SLC39A9: variants seen among roughly 807,000 people sequenced by gnomAD.
SLC39A9 encodes the protein solute carrier family 39 member 9.
Under a neutral mutation model 28.4 loss-of-function variants are expected in SLC39A9, and 14 were observed. The observed-to-expected ratio is 0.49, with a 90% CI of 0.33 to 0.77. The LOEUF is 0.77. Ranked by LOEUF, SLC39A9 falls within the 30% of genes least tolerant of loss-of-function variation. The probability of loss-of-function intolerance (pLI) is 0.02; values close to 1 mark genes in which losing one functional copy is unlikely to be tolerated. For synonymous variants in SLC39A9, 119 were observed against 149.6 expected, an observed-to-expected ratio of 0.80 and a Z score of 1.49; for missense variants, 283 against 381.1, an observed-to-expected ratio of 0.74 and a Z score of 2.14.
At chr14:69,398,657 A>AG (rs1169779641), upstream of SLC39A9, 1 of 262,158 alleles carries the variant, frequency 3.8e-6, no homozygotes, top group Non-Finnish European at 7.5e-6. Context: ...TTTGTAAAGG[A>AG]GGGGGTGGTT....
intron 1 of SLC39A9, among the ~76,000 whole-genome samples, chr14:69,413,886 T>C (rs1430521223): frequency 1.3e-5 from 2 of 152,132 alleles, no homozygotes; most frequent in South Asian, 4.1e-4. Context: ...CATCTATATA[T>C]TGAGAGAAAA....
At chr14:69,426,245 A>C (rs1306765586) in intron 2 of SLC39A9, among the ~76,000 whole-genome samples, 1 of 151,958 alleles carries the variant, frequency 6.6e-6, no homozygotes, top group Non-Finnish European at 1.5e-5. Context: ...TTCACCCATC[A>C]CCAGTCGCAA....
At chr14:69,453,124 G>C in intron 3 of SLC39A9, 117 bp from the exon 4 acceptor site, 1 of 797,316 alleles carries the variant, frequency 1.3e-6, no homozygotes, top group Non-Finnish European at 2.1e-6. Flanking sequence ...ATCATTGGAG[G>C]TCAGGAGTTT....
chr14:69,459,563 T>G lies in SLC39A9; in HGVS notation c.*970T>G, dbSNP rs1035052110. 12 of 979,926 alleles carry G rather than the reference T, an allele frequency of 1.2e-5. No individual in the cohort carries two copies. The highest frequency in any genetic ancestry group is 6.2e-5 in the Admixed American group (1 of 16,230). 60.7% of individuals were successfully genotyped at this position (979,926 alleles called of 1,614,324 possible). ...TGGTTGTCCTTTTTTTTTGTTTTTT[T>G]TTTTTTTAATTATTTCTCTTAGCAG... On this transcript the variant is annotated 3_prime_UTR_variant, in exon 7 of 7. Coordinates refer to ENST00000336643, the MANE Select transcript of SLC39A9 (RefSeq NM_018375.5).
chr14:69,420,010 A>G (rs1883795137), intron 1 of SLC39A9, among the ~76,000 whole-genome samples: 1 of 152,146 alleles, frequency 6.6e-6, no homozygotes, highest in Non-Finnish European at 1.5e-5. Context: ...TAAGATTAAT[A>G]TTGTTATGTG....
Position 69,459,504 on chromosome 14 carries a change from G to A in SLC39A9, c.*911G>A. ...TTTTTGGATGGTTATTGATATCTTT[G>A]TAGTAGCTTTTTTTAAAAGACTACC... On this transcript the variant is annotated 3_prime_UTR_variant, in exon 7 of 7. Transcript: ENST00000336643. 1.0e-6 allele frequency: 1 copy of A among 980,712 alleles called. No homozygotes were observed. Among genetic ancestry groups the A allele is most frequent in the Non-Finnish European group, 1.2e-6 (1 of 826,928 alleles). 60.8% of individuals were successfully genotyped at this position (980,712 alleles called of 1,614,324 possible). A position where few individuals can be genotyped will look rare whatever the true frequency, so the allele number is the denominator to read the frequency against.
chr14:69,422,784 A>C (rs1229309523), intron 1 of SLC39A9, among the ~76,000 whole-genome samples: 1 of 152,272 alleles, frequency 6.6e-6, no homozygotes, highest in South Asian at 2.1e-4. Flanking sequence ...GGGTTTCACC[A>C]TGTTGGCCGG....
At chr14:69,446,931 T>G (rs1191764469) in intron 3 of SLC39A9, among the ~76,000 whole-genome samples, 4 of 136,842 alleles carry the variant, frequency 2.9e-5, no homozygotes, top group Admixed American at 7.2e-5. Flanking sequence ...CCATCTGTGA[T>G]ATATATATAT....
At chr14:69,447,236 C>T (rs1412729958) in intron 3 of SLC39A9, among the ~76,000 whole-genome samples, 1 of 152,116 alleles carries the variant, frequency 6.6e-6, no homozygotes, top group Non-Finnish European at 1.5e-5. Flanking sequence ...TTTGATATGA[C>T]CAAGTAAGCT....
At chr14:69,422,226 T>A (rs980290052) in intron 1 of SLC39A9, among the ~76,000 whole-genome samples, 48 of 152,316 alleles carry the variant, frequency 3.2e-4, no homozygotes, top group African/African-American at 1.1e-3. Context: ...AACTTTTTCA[T>A]AAACAACATA....
At chr14:69,426,198 A>G (rs1238269472) in intron 2 of SLC39A9, among the ~76,000 whole-genome samples, 3 of 152,026 alleles carry the variant, frequency 2.0e-5, no homozygotes, top group Non-Finnish European at 4.4e-5. Flanking sequence ...ATCAGATCCC[A>G]CAGATCTAGG....
chr14:69,459,214 G>C lies in SLC39A9; in HGVS notation c.*621G>C. ...GATATCCATTGAAAAGGGATGTCTA[G>C]AGGGATTTAAACAGCTCCTTTGGCA... On this transcript the variant is annotated 3_prime_UTR_variant, in exon 7 of 7. Coordinates refer to ENST00000336643, the MANE Select transcript of SLC39A9 (RefSeq NM_018375.5). 1.0e-6 allele frequency: 1 copy of C among 985,522 alleles called. No homozygotes were observed. The highest frequency in any genetic ancestry group is 1.7e-5 in the African/African-American group (1 of 57,370). 61.0% of individuals were successfully genotyped at this position (985,522 alleles called of 1,614,324 possible). A position where few individuals can be genotyped will look rare whatever the true frequency, so the allele number is the denominator to read the frequency against.
At chr14:69,408,932 ATAAT>A (rs1883088032) in intron 1 of SLC39A9, among the ~76,000 whole-genome samples, 1 of 152,214 alleles carries the variant, frequency 6.6e-6, no homozygotes, top group Non-Finnish European at 1.5e-5. Context: ...CTATAGTATA[ATAAT>A]TAATGACACA....
intron 1 of SLC39A9, among the ~76,000 whole-genome samples, chr14:69,406,776 GA>G (rs1377930220): frequency 1.2e-4 from 18 of 148,306 alleles, no homozygotes; most frequent in Admixed American, 1.2e-3. Flanking sequence ...AGTCTTCCTT[GA>G]ATACTAATAT....
chr14:69,428,000 G>A (rs961402079), intron 2 of SLC39A9, among the ~76,000 whole-genome samples: 1 of 152,180 alleles, frequency 6.6e-6, no homozygotes, highest in African/African-American at 2.4e-5. Flanking sequence ...GTTTATGGGG[G>A]CTGGGCATGG....
chr14:69,449,454 G>A lies in SLC39A9; in HGVS notation c.404-3787G>A, dbSNP rs371654994. Among the ~76,000 whole-genome samples, 144 of 152,196 alleles carry A rather than the reference G, an allele frequency of 9.5e-4. 3 individuals are homozygous for A. In the South Asian group the frequency reaches 0.019, roughly 20 times the overall value. ...AGCCTAGGCAACAAAGCGAGACGCC[G>A]TCTCTACAAAAATCTTAAAAATTAG... On this transcript the variant is annotated intron_variant, in intron 3 of 6. Coordinates refer to ENST00000336643, the MANE Select transcript of SLC39A9 (RefSeq NM_018375.5).
At chr14:69,413,996 C>T (rs1483200694) in intron 1 of SLC39A9, among the ~76,000 whole-genome samples, 3 of 151,234 alleles carry the variant, frequency 2.0e-5, no homozygotes, top group Non-Finnish European at 4.4e-5. Context: ...TAATAAAAAC[C>T]TTTACTGTGG....
chr14:69,453,199 G>A, intron 3 of SLC39A9, 42 bp from the exon 4 acceptor site: 1 of 1,549,846 alleles, frequency 6.5e-7, no homozygotes, highest in Non-Finnish European at 8.9e-7. Context: ...AACAGTTTCT[G>A]TCTCACATAG....
chr14:69,403,087 AAAATAAAAATAAAT>A lies in SLC39A9; in HGVS notation c.96+3644_96+3657del, dbSNP rs200384397. 4.1e-3 allele frequency among the ~76,000 whole-genome samples: 621 copies of A among 152,272 alleles called. 21 individuals carry two copies. In the East Asian group the frequency reaches 0.082, roughly 20 times the overall value. ...CAAGAGCAAAACTTTGTCTCAGAAA[AAAATAAAAATAAAT>A]AAATAAAAATAAATAAATAAAGGAG... On this transcript the variant is annotated intron_variant, in intron 1 of 6. Coordinates refer to ENST00000336643, the MANE Select transcript of SLC39A9 (RefSeq NM_018375.5).
Sources: allele counts gnomAD v4.1 joint callset (sites outside exome capture counted in the v4.1 genomes callset), GRCh38; gene constraint gnomAD v4.1.1; transcripts MANE v1.5; gene names NCBI Gene and HGNC (gene_info 2026-07-23, HGNC 2026-07-21).